Variants in APBB2 observed in about 807,000 individuals in gnomAD.
The protein encoded by APBB2 is amyloid beta precursor protein binding family B member 2.
APBB2 carries 38 observed loss-of-function variants against 82.5 expected under a neutral mutation model. The observed-to-expected ratio is 0.46, with a 90% CI of 0.36 to 0.60. The LOEUF (loss-of-function observed/expected upper bound fraction) is 0.60. APBB2 is among the 20% of genes least tolerant of loss of function. The pLI is 0.00. For synonymous variants in APBB2, 341 were observed against 368.2 expected, an observed-to-expected ratio of 0.93 and a Z score of 0.85; for missense variants, 772 against 972.3, an observed-to-expected ratio of 0.79 and a Z score of 2.74.
chr4:40,935,892 A>T (rs1785271191), intron 7 of APBB2, among the ~76,000 whole-genome samples: 1 of 152,198 alleles, frequency 6.6e-6, no homozygotes, highest in Admixed American at 6.5e-5. Context: ...ACTGATTTCC[A>T]AATCTAAACA....
At chr4:40,880,209 C>G in intron 12 of APBB2, 1 of 985,348 alleles carries the variant, frequency 1.0e-6, no homozygotes, top group Non-Finnish European at 1.2e-6. Context: ...ATTCCTACTC[C>G]AGTGTTCCTT....
intron 12 of APBB2, among the ~76,000 whole-genome samples, chr4:40,857,851 C>A (rs1278301912): frequency 6.6e-6 from 1 of 152,072 alleles, no homozygotes; most frequent in Admixed American, 6.6e-5. Context: ...GGTATTGCAG[C>A]CCACAGCCAG....
At chr4:41,073,997 G>A (rs1264596257) in intron 3 of APBB2, among the ~76,000 whole-genome samples, 2 of 152,114 alleles carry the variant, frequency 1.3e-5, no homozygotes, top group Non-Finnish European at 2.9e-5. Flanking sequence ...GTGATGACAC[G>A]TGCCTGTAGT....
intron 5 of APBB2, among the ~76,000 whole-genome samples, chr4:41,023,440 C>T (rs1013408255): frequency 6.6e-6 from 1 of 152,068 alleles, no homozygotes; most frequent in East Asian, 1.9e-4. Flanking sequence ...ATCCCACAGC[C>T]TCAGCCCAAA....
intron 15 of APBB2, 76 bp downstream of exon 15, chr4:40,825,811 C>T: frequency 8.8e-7 from 1 of 1,134,452 alleles, no homozygotes; most frequent in South Asian, 1.2e-5. Context: ...CAGACCTCAC[C>T]CTCCTCGGAG....
chr4:41,159,937 G>GAGGAGGAGGAGGAGGAGA (rs1560912547), intron 1 of APBB2, among the ~76,000 whole-genome samples: 4 of 30,630 alleles, frequency 1.3e-4, no homozygotes, highest in African/African-American at 4.1e-4. Flanking sequence ...GGAGGAGGAG[G>GAGGAGGAGGAGGAGGAGA]AGGAGGAGAA....
chr4:40,896,611 G>A (rs1350868227), intron 10 of APBB2, among the ~76,000 whole-genome samples: 1 of 152,210 alleles, frequency 6.6e-6, no homozygotes, highest in Non-Finnish European at 1.5e-5. Context: ...AATAAATACA[G>A]TGTCATGTAA....
At chr4:41,072,491 C>T (rs1343346286) in intron 3 of APBB2, among the ~76,000 whole-genome samples, 1 of 152,040 alleles carries the variant, frequency 6.6e-6, no homozygotes, top group East Asian at 1.9e-4. Flanking sequence ...TTTTGGAATT[C>T]AAATAAAATA....
chr4:40,965,458 G>C (rs1794446768), intron 6 of APBB2, among the ~76,000 whole-genome samples: 1 of 152,164 alleles, frequency 6.6e-6, no homozygotes, highest in Non-Finnish European at 1.5e-5. Flanking sequence ...CAATAGGGGA[G>C]TCAGTGGCCA....
chr4:41,137,843 C>A (rs1304382981), intron 2 of APBB2, among the ~76,000 whole-genome samples: 1 of 152,124 alleles, frequency 6.6e-6, no homozygotes, highest in African/African-American at 2.4e-5. Flanking sequence ...ACCCAAACCT[C>A]ACACCATACA....
Position 40,946,254 on chromosome 4 carries a change from A to AAAAC in APBB2, c.836-1182_836-1181insGTTT, listed in dbSNP as rs1553875174. Among the ~76,000 whole-genome samples the AAAAC allele has an allele frequency of 4.3e-4, 49 of 114,572 alleles. 4 individuals are homozygous for AAAAC. The highest frequency in any genetic ancestry group is 8.9e-4 in the South Asian group (3 of 3,368). 75.2% of individuals were successfully genotyped at this position (114,572 alleles called of 152,430 possible). A position where few individuals can be genotyped will look rare whatever the true frequency, so the allele number is the denominator to read the frequency against. On this transcript the variant is annotated intron_variant, in intron 6 of 17. Transcript: ENST00000508593. ...CTCCAAAAAAAAAAAAAAAAAAAAA[A>AAAAC]CATTCCCAAGGAAAGCAGATTGGAA...
intron 2 of APBB2, among the ~76,000 whole-genome samples, chr4:41,105,863 G>C (rs1420318990): frequency 6.7e-6 from 1 of 148,318 alleles, no homozygotes; most frequent in East Asian, 2.0e-4. Flanking sequence ...TCCAGCCTGG[G>C]CGACAGAGCG....
rs547546167 is a variant in APBB2 at position 41,069,399 on chromosome 4, A to G, written c.-148-3726T>C. ...TAATGCCAAAGGAGCAAGATTCATT[A>G]GAAACCCGATGCGATGGAAAACACC... On this transcript the variant is annotated intron_variant, in intron 3 of 17. Coordinates refer to ENST00000508593, the MANE Select transcript of APBB2 (RefSeq NM_004307.2). 3.3e-5 allele frequency among the ~76,000 whole-genome samples: 5 copies of G among 152,348 alleles called. No individual in the cohort carries two copies. In the South Asian group the frequency reaches 1.0e-3, roughly 32 times the overall value.
chr4:40,972,107 A>ACAGGATTAATCCAACATG (rs1421745075), intron 6 of APBB2, among the ~76,000 whole-genome samples: 1 of 152,180 alleles, frequency 6.6e-6, no homozygotes, highest in Non-Finnish European at 1.5e-5. Flanking sequence ...TCAATTTTAT[A>ACAGGATTAATCCAACATG]CAGGATTAAT....
chr4:40,908,773 T>C (rs1225709006), intron 10 of APBB2, among the ~76,000 whole-genome samples: 1 of 152,136 alleles, frequency 6.6e-6, no homozygotes, highest in African/African-American at 2.4e-5. Context: ...TTCTCAGAAG[T>C]ACCTCAGAGC....
chr4:40,864,917 A>G (rs1358885201), intron 12 of APBB2, among the ~76,000 whole-genome samples: 1 of 146,116 alleles, frequency 6.8e-6, no homozygotes, highest in African/African-American at 2.5e-5. Context: ...GGAGGGTAGT[A>G]GTGCAATCTT....
chr4:41,133,153 T>C (rs1344181827), intron 2 of APBB2, among the ~76,000 whole-genome samples: 1 of 152,186 alleles, frequency 6.6e-6, no homozygotes, highest in Non-Finnish European at 1.5e-5. Flanking sequence ...CACGTAAGTG[T>C]GTATATATAT....
chr4:41,202,081 G>T (rs1776833650), intron 1 of APBB2, among the ~76,000 whole-genome samples: 1 of 152,126 alleles, frequency 6.6e-6, no homozygotes, highest in South Asian at 2.1e-4. Flanking sequence ...TTTCTCCTTG[G>T]AATTTTAACT....
intron 1 of APBB2, among the ~76,000 whole-genome samples, chr4:41,188,629 A>G (rs911076316): frequency 2.0e-5 from 3 of 152,236 alleles, no homozygotes; most frequent in African/African-American, 7.2e-5. Flanking sequence ...ACTGTGAGAA[A>G]TAAGTGTCTG....
Sources: gnomAD v4.1 joint callset for allele counts (sites outside exome capture counted in the v4.1 genomes callset) on GRCh38, gnomAD v4.1.1 for gene constraint, MANE v1.5 for transcripts, NCBI Gene and HGNC (gene_info 2026-07-23, HGNC 2026-07-21) for gene names.